The following THSD7B variants were observed in gnomAD, a reference collection of about 807,000 sequenced individuals.
THSD7B encodes thrombospondin type 1 domain containing 7B, also known as thrombospondin type-1 domain-containing protein 7B.
THSD7B carries 138 observed loss-of-function variants against 213.6 expected under a neutral mutation model. That is an observed-to-expected ratio of 0.65 (90% CI 0.56 to 0.74). The LOEUF is 0.74. Ranked by LOEUF, THSD7B falls within the 30% of genes least tolerant of loss-of-function variation. The pLI is 0.00. For missense variants in THSD7B, 1,931 were observed against 1,991.5 expected, an observed-to-expected ratio of 0.97 and a Z score of 0.58; for synonymous variants, 742 against 687.0, an observed-to-expected ratio of 1.08 and a Z score of -1.25.
At chr2:137,059,601 T>C (rs988453547) in intron 3 of THSD7B, among the ~76,000 whole-genome samples, 10 of 152,192 alleles carry the variant, frequency 6.6e-5, no homozygotes, top group African/African-American at 2.4e-4. Context: ...GTTTTGCCTT[T>C]TTAAAAAATG....
intron 10 of THSD7B, among the ~76,000 whole-genome samples, chr2:137,248,198 G>T (rs1004673234): frequency 2.0e-5 from 3 of 152,136 alleles, no homozygotes; most frequent in African/African-American, 7.2e-5. Flanking sequence ...AGATGATAAT[G>T]ATGATGATAA....
chr2:137,012,357 T>C lies in THSD7B; in HGVS notation c.140-44063T>C, dbSNP rs369706336. On this transcript the variant is annotated intron_variant, in intron 2 of 27. Transcript: ENST00000409968. ...ACTCCACCTAATTGCTAGCTCCTTA[T>C]GCAAAAGATGGTTACATAACCACTT... is the stretch of plus-strand genomic sequence containing the variant. Among the ~76,000 whole-genome samples the C allele has an allele frequency of 6.4e-4, 98 of 152,332 alleles. 1 individual carries two copies. Among genetic ancestry groups the C allele is most frequent in the African/African-American group, 2.3e-3 (96 of 41,580 alleles).
chr2:136,890,297 C>CCTCCTCCTCCTCTTCTTCTTCTT, intron 2 of THSD7B, among the ~76,000 whole-genome samples: 1 of 126 alleles, frequency 7.9e-3, no homozygotes, highest in Admixed American at 0.17. Flanking sequence ...ATGTCCATGT[C>CCTCCTCCTCCTCTTCTTCTTCTT]CTACTCCTTC....
chr2:137,302,106 C>G (rs1372384746), intron 12 of THSD7B, among the ~76,000 whole-genome samples: 1 of 151,942 alleles, frequency 6.6e-6, no homozygotes, highest in Non-Finnish European at 1.5e-5. Flanking sequence ...TTGATAGGCC[C>G]TATAAATGTT....
At chr2:137,425,649 A>G (rs1024979046) in intron 14 of THSD7B, among the ~76,000 whole-genome samples, 1 of 152,166 alleles carries the variant, frequency 6.6e-6, no homozygotes. Context: ...CCTGTAGAAT[A>G]CCCTGTGGAT....
chr2:137,384,986 A>C (rs1410777365), intron 12 of THSD7B, among the ~76,000 whole-genome samples: 1 of 152,136 alleles, frequency 6.6e-6, no homozygotes, highest in Non-Finnish European at 1.5e-5. Context: ...CTGAGACTTC[A>C]GCAGTGGATA....
chr2:137,459,500 TACTA>T (rs1458965085), intron 15 of THSD7B, among the ~76,000 whole-genome samples: 1 of 152,112 alleles, frequency 6.6e-6, no homozygotes, highest in East Asian at 1.9e-4. Context: ...ACCCCATCTC[TACTA>T]AAAATACAAA....
intron 4 of THSD7B, among the ~76,000 whole-genome samples, chr2:137,112,006 A>G (rs556195967): frequency 1.3e-5 from 2 of 152,302 alleles, no homozygotes; most frequent in South Asian, 4.1e-4. Context: ...CTTAGCCATT[A>G]AAGAGAGTGT....
intron 12 of THSD7B, among the ~76,000 whole-genome samples, chr2:137,398,384 A>C (rs1182459490): frequency 6.7e-6 from 1 of 148,198 alleles, no homozygotes; most frequent in Non-Finnish European, 1.5e-5. Flanking sequence ...CTTCTAACAG[A>C]CAGGACCCTC....
chr2:137,270,023 G>A (rs1378350901), intron 10 of THSD7B, among the ~76,000 whole-genome samples: 1 of 152,072 alleles, frequency 6.6e-6, no homozygotes, highest in Non-Finnish European at 1.5e-5. Context: ...TTTAGGACCT[G>A]GGCTAGTGAA....
At chr2:137,027,505 A>G (rs1320756845) in intron 2 of THSD7B, among the ~76,000 whole-genome samples, 1 of 152,234 alleles carries the variant, frequency 6.6e-6, no homozygotes, top group Non-Finnish European at 1.5e-5. Context: ...GTTGTCACAT[A>G]GCCATATCTA....
chr2:136,780,648 A>G (rs991401832), intron 1 of THSD7B, among the ~76,000 whole-genome samples: 2 of 152,194 alleles, frequency 1.3e-5, no homozygotes, highest in Admixed American at 6.5e-5. Context: ...ATTATTCTAT[A>G]GAGTAGTGAG....
rs780902329 is a variant in THSD7B, at chr2:137,115,124, G to A, written c.1200G>A (p.Arg400=). Residue 400 remains arginine (R), a splice_region_variant and synonymous_variant, in exon 5 of 28, where the codon AGG becomes AGA. Coordinates refer to ENST00000409968, the MANE Select transcript of THSD7B (RefSeq NM_001316349.2). Reference sequence around the variant, plus strand: ...CTTTTAAATAAACCAAACCAAACAGGTATTCCTGGAGAACTTCTGAATGGA... The same window carrying A: ...CTTTTAAATAAACCAAACCAAACAGATATTCCTGGAGAACTTCTGAATGGA... ...VEGELLQQCP[R]YSWRTSEWKE... The A allele has an allele frequency of 3.5e-5, 56 of 1,613,712 alleles. No individual in the cohort carries two copies. Among genetic ancestry groups the A allele is most frequent in the Non-Finnish European group, 4.4e-5 (52 of 1,179,854 alleles).
chr2:137,216,354 C>G (rs1681243262), intron 7 of THSD7B, among the ~76,000 whole-genome samples: 1 of 139,930 alleles, frequency 7.1e-6, no homozygotes, highest in African/African-American at 2.7e-5. Context: ...AACAATATTG[C>G]ATTCTCTAAC....
At chr2:137,038,658 G>A (rs1392172873) in intron 2 of THSD7B, among the ~76,000 whole-genome samples, 3 of 152,194 alleles carry the variant, frequency 2.0e-5, no homozygotes, top group African/African-American at 7.2e-5. Context: ...CAGATTAAAT[G>A]GGGAGGAAAG....
chr2:137,228,099 A>T (rs1294670870), intron 7 of THSD7B, among the ~76,000 whole-genome samples: 1 of 151,910 alleles, frequency 6.6e-6, no homozygotes. Flanking sequence ...AATACACTTA[A>T]TTGAGTCTGG....
intron 2 of THSD7B, among the ~76,000 whole-genome samples, chr2:136,927,913 C>G (rs1458740947): frequency 6.6e-6 from 1 of 152,176 alleles, no homozygotes; most frequent in African/African-American, 2.4e-5. Context: ...ACTTTCAATT[C>G]TTATCATGAA....
chr2:137,176,624 T>C (rs542365604), intron 7 of THSD7B, among the ~76,000 whole-genome samples: 4 of 152,314 alleles, frequency 2.6e-5, no homozygotes, highest in South Asian at 2.1e-4. Context: ...TTTCCCATTT[T>C]TGTGGGTGTC....
intron 7 of THSD7B, among the ~76,000 whole-genome samples, chr2:137,182,307 A>G (rs1159446457): frequency 6.6e-6 from 1 of 152,202 alleles, no homozygotes; most frequent in Non-Finnish European, 1.5e-5. Context: ...GAAACAGTGT[A>G]TGTCCAGATA....
Sources: allele counts gnomAD v4.1 joint callset (sites outside exome capture counted in the v4.1 genomes callset), GRCh38; gene constraint gnomAD v4.1.1; transcripts MANE v1.5; gene names NCBI Gene and HGNC (gene_info 2026-07-23, HGNC 2026-07-21).